Variants in KCNQ5 observed in about 807,000 individuals in gnomAD.
The protein encoded by KCNQ5 is potassium voltage-gated channel subfamily Q member 5, also known as potassium voltage-gated channel subfamily KQT member 5.
KCNQ5 carries 30 observed loss-of-function variants against 98.2 expected under a neutral mutation model. The ratio of observed to expected loss-of-function variants is 0.31; its 90% CI spans 0.23 to 0.41. The LOEUF (loss-of-function observed/expected upper bound fraction) is 0.41. Among genes scored for constraint, KCNQ5 ranks in the 10% least tolerant of loss-of-function variants. The pLI, the probability that KCNQ5 is intolerant of heterozygous loss-of-function variation, is 1.00. For missense variants in KCNQ5, 835 were observed against 1,182.5 expected (o/e 0.71, Z 4.31); for synonymous variants, 458 against 449.4 (o/e 1.02, Z -0.24).
At chr6:72,763,572 C>T (rs941188189) in intron 1 of KCNQ5, among the ~76,000 whole-genome samples, 3 of 151,990 alleles carry the variant, frequency 2.0e-5, no homozygotes, top group Admixed American at 1.3e-4. Context: ...TAAATTCTTA[C>T]AATTCTAATA....
At chr6:73,016,451 C>T (rs1770350890) in intron 2 of KCNQ5, among the ~76,000 whole-genome samples, 1 of 152,048 alleles carries the variant, frequency 6.6e-6, no homozygotes, top group Non-Finnish European at 1.5e-5. Flanking sequence ...CCACTTAATA[C>T]AGTAATAGTT....
At chr6:72,639,377 C>G (rs766244124) in intron 1 of KCNQ5, among the ~76,000 whole-genome samples, 1 of 152,146 alleles carries the variant, frequency 6.6e-6, no homozygotes, top group African/African-American at 2.4e-5. Flanking sequence ...ACTTTGCCAT[C>G]TAGGAGTGGA....
chr6:73,128,437 T>C (rs1423780577), intron 9 of KCNQ5, among the ~76,000 whole-genome samples: 1 of 152,216 alleles, frequency 6.6e-6, no homozygotes, highest in Non-Finnish European at 1.5e-5. Context: ...GAGAACTGAA[T>C]TTACCTGTGA....
At chr6:72,900,062 C>A (rs1297889717) in intron 1 of KCNQ5, among the ~76,000 whole-genome samples, 1 of 151,886 alleles carries the variant, frequency 6.6e-6, no homozygotes, top group Non-Finnish European at 1.5e-5. Flanking sequence ...GGTCTCGAAC[C>A]CCTGACCTCG....
chr6:72,675,195 G>A (rs1767347514), intron 1 of KCNQ5, among the ~76,000 whole-genome samples: 1 of 152,112 alleles, frequency 6.6e-6, no homozygotes, highest in African/African-American at 2.4e-5. Context: ...ATTGGTACCT[G>A]GGGACCACTC....
chr6:72,976,321 C>A (rs1172572743), intron 1 of KCNQ5, among the ~76,000 whole-genome samples: 1 of 152,122 alleles, frequency 6.6e-6, no homozygotes, highest in African/African-American at 2.4e-5. Flanking sequence ...TGTCAAACAC[C>A]TTTTAATGTG....
chr6:72,622,690 A>G lies in KCNQ5; in HGVS notation c.398+103A>G. On this transcript the variant is annotated intron_variant, in intron 1 of 13. Coordinates refer to ENST00000370398, the MANE Select transcript of KCNQ5 (RefSeq NM_019842.4). The surrounding 1 kb of genome is among the most constrained non-coding windows in gnomAD (Gnocchi z 6.0). The stretch of plus-strand genomic sequence containing the variant: ...CGCCCTTGGGCCCCCGCGCGCGTGC[A>G]CACGTGGTGGCTTTTATTTCTTCGC... 1 of 1,298,268 alleles carries G rather than the reference A, an allele frequency of 7.7e-7. No homozygotes were observed. The allele number at this position is 1,298,268 out of a possible 1,614,324, so 80.4% of individuals were successfully genotyped here. A position where few individuals can be genotyped will look rare whatever the true frequency, so the allele number is the denominator to read the frequency against.
intron 1 of KCNQ5, among the ~76,000 whole-genome samples, chr6:72,807,900 A>G (rs1180319192): frequency 6.6e-6 from 1 of 152,218 alleles, no homozygotes; most frequent in Non-Finnish European, 1.5e-5. Context: ...GCAAATCCCT[A>G]CAGAGCAAAA....
intron 3 of KCNQ5, among the ~76,000 whole-genome samples, chr6:73,046,866 C>T (rs1007108089): frequency 6.6e-6 from 1 of 152,110 alleles, no homozygotes; most frequent in Non-Finnish European, 1.5e-5. Flanking sequence ...TGGTCTTGAA[C>T]TCCTGGCCTC....
rs182893409 is a variant in KCNQ5, at chr6:73,143,147, A to G, written c.1468+9506A>G. Among the ~76,000 whole-genome samples the G allele has an allele frequency of 2.6e-5, 4 of 152,264 alleles. No individual in the cohort carries two copies. In the East Asian group the frequency reaches 7.7e-4, roughly 29 times the overall value. On this transcript the variant is annotated intron_variant, in intron 10 of 13. Coordinates refer to ENST00000370398, the MANE Select transcript of KCNQ5 (RefSeq NM_019842.4). ...TATAATGGCAGCTTAGCACTTAGAG[A>G]CTCCACAGCAATTGAGTGGATTCCA...
At chr6:72,863,871 A>T (rs1777866761) in intron 1 of KCNQ5, among the ~76,000 whole-genome samples, 1 of 152,202 alleles carries the variant, frequency 6.6e-6, no homozygotes, top group Admixed American at 6.5e-5. Context: ...AAATAATTGT[A>T]AGTCTTGTGT....
intron 1 of KCNQ5, among the ~76,000 whole-genome samples, chr6:72,658,576 A>ATTTTT (rs1158254933): frequency 2.4e-4 from 22 of 92,382 alleles, no homozygotes; most frequent in Middle Eastern, 7.8e-3. Context: ...ATATATATAT[A>ATTTTT]TATTTTTTTT....
At chr6:72,839,352 T>C (rs1377914491) in intron 1 of KCNQ5, among the ~76,000 whole-genome samples, 2 of 152,246 alleles carry the variant, frequency 1.3e-5, no homozygotes, top group South Asian at 2.1e-4. Context: ...TTCTAATAGC[T>C]GCTTTAAAAT....
chr6:73,138,464 G>A (rs1192725947), intron 10 of KCNQ5, among the ~76,000 whole-genome samples: 1 of 152,168 alleles, frequency 6.6e-6, no homozygotes, highest in Non-Finnish European at 1.5e-5. Flanking sequence ...GAAGGAGAAG[G>A]ACGTAGCTTT....
At chr6:72,913,142 ACT>A (rs1780008149) in intron 1 of KCNQ5, among the ~76,000 whole-genome samples, 3 of 152,308 alleles carry the variant, frequency 2.0e-5, no homozygotes, top group South Asian at 2.1e-4. Flanking sequence ...AAAAATAATA[ACT>A]CAAAATATTT....
chr6:72,834,934 G>C (rs1229926641), intron 1 of KCNQ5, among the ~76,000 whole-genome samples: 1 of 151,952 alleles, frequency 6.6e-6, no homozygotes, highest in African/African-American at 2.4e-5. Context: ...AATTGAGCCA[G>C]GTTTGTTTTC....
At chr6:72,803,978 A>G (rs1774812440) in intron 1 of KCNQ5, among the ~76,000 whole-genome samples, 1 of 152,186 alleles carries the variant, frequency 6.6e-6, no homozygotes, top group Non-Finnish European at 1.5e-5. Flanking sequence ...GCTTGAATAT[A>G]TAAATATAGA....
At chr6:72,920,119 T>C (rs1234370835) in intron 1 of KCNQ5, among the ~76,000 whole-genome samples, 2 of 152,092 alleles carry the variant, frequency 1.3e-5, no homozygotes, top group African/African-American at 2.4e-5. Context: ...CTGGCCAGCA[T>C]GGTGAAACCC....
chr6:72,908,080 T>C (rs527533652), intron 1 of KCNQ5, among the ~76,000 whole-genome samples: 1 of 152,266 alleles, frequency 6.6e-6, no homozygotes, highest in Admixed American at 6.5e-5. Flanking sequence ...AGTGTTATTT[T>C]TAGACAGATC....
Sources: gnomAD v4.1 joint callset for allele counts (sites outside exome capture counted in the v4.1 genomes callset) on GRCh38, gnomAD v4.1.1 for gene constraint, Gnocchi (gnomAD v3.1) non-coding constraint, MANE v1.5 for transcripts, NCBI Gene and HGNC (gene_info 2026-07-23, HGNC 2026-07-21) for gene names.